The following FRY variants were observed in gnomAD, a reference collection of about 807,000 sequenced individuals.
The protein encoded by FRY is protein furry homolog.
Under a neutral mutation model 348.4 loss-of-function variants are expected in FRY, and 128 were observed. The ratio of observed to expected loss-of-function variants is 0.37; its 90% CI spans 0.32 to 0.43. The LOEUF is 0.43. Ranked by LOEUF, FRY falls within the 20% of genes least tolerant of loss-of-function variation. The pLI is 1.00. For missense variants in FRY, 2,736 were observed against 3,695.2 expected, an observed-to-expected ratio of 0.74 and a Z score of 6.73; for synonymous variants, 1,370 against 1,374.7, an observed-to-expected ratio of 1.00 and a Z score of 0.08.
chr13:32,274,541 A>G lies in FRY; in HGVS notation c.8137-301A>G, dbSNP rs376157967. 3.4e-4 allele frequency among the ~76,000 whole-genome samples: 51 copies of G among 151,768 alleles called. 2 individuals carry two copies. The East Asian group carries it at 3.7e-3, about 11-fold the overall frequency. Reference sequence around the variant, plus strand: ...AACACAGTGAAACCCCGTCTCTACTAAAAATACAAAAAATTAGCCAGGCGT... The same window carrying G: ...AACACAGTGAAACCCCGTCTCTACTGAAAATACAAAAAATTAGCCAGGCGT... On this transcript the variant is annotated intron_variant, in intron 55 of 60. Coordinates refer to ENST00000542859, the MANE Select transcript of FRY (RefSeq NM_023037.3).
At chr13:32,049,512 G>A (rs1310015573) in intron 1 of FRY, among the ~76,000 whole-genome samples, 1 of 152,172 alleles carries the variant, frequency 6.6e-6, no homozygotes, top group African/African-American at 2.4e-5. Context: ...TCAGCTCACT[G>A]CAAGCTCCGC....
chr13:32,250,056 C>G (rs1242725792), intron 49 of FRY, among the ~76,000 whole-genome samples: 2 of 152,216 alleles, frequency 1.3e-5, no homozygotes, highest in Non-Finnish European at 2.9e-5. Flanking sequence ...CACTTGGACT[C>G]CCAAAGGGTT....
chr13:32,178,789 G>A (rs1330946052), intron 21 of FRY, 55 bp from the exon 22 acceptor site: 3 of 1,141,678 alleles, frequency 2.6e-6, no homozygotes, highest in Non-Finnish European at 4.0e-6. Context: ...TTTAATAAGT[G>A]ATATTTAAAA....
At chr13:32,236,523 CA>C (rs1214626936) in intron 43 of FRY, among the ~76,000 whole-genome samples, 1 of 151,976 alleles carries the variant, frequency 6.6e-6, no homozygotes, top group Non-Finnish European at 1.5e-5. Context: ...TAAAGAGAAG[CA>C]AAAGCTAAAT....
At chr13:32,243,511 A>T (rs903820803) in intron 46 of FRY, among the ~76,000 whole-genome samples, 7 of 152,198 alleles carry the variant, frequency 4.6e-5, no homozygotes, top group African/African-American at 1.7e-4. Context: ...CAAACTATCC[A>T]ATTTACATTT....
At chr13:32,257,839 T>G in intron 51 of FRY, 1 of 785,790 alleles carries the variant, frequency 1.3e-6, no homozygotes, top group Admixed American at 2.0e-5. Flanking sequence ...TACTGAAGTG[T>G]ATATTGTTAG....
intron 50 of FRY, among the ~76,000 whole-genome samples, chr13:32,253,340 A>G (rs181708739): frequency 2.7e-4 from 41 of 152,368 alleles, no homozygotes; most frequent in African/African-American, 8.2e-4. Context: ...CTTGAAATCC[A>G]TTCATTCTTT....
intron 31 of FRY, among the ~76,000 whole-genome samples, chr13:32,206,694 G>A (rs181066341): frequency 2.0e-5 from 3 of 152,306 alleles, no homozygotes; most frequent in African/African-American, 4.8e-5. Context: ...GTTGCAAGCA[G>A]GTTCAACCTA....
chr13:32,271,545 C>T (rs950698812), intron 55 of FRY, among the ~76,000 whole-genome samples: 39 of 152,318 alleles, frequency 2.6e-4, no homozygotes, highest in African/African-American at 9.1e-4. Flanking sequence ...TGACTGCCCA[C>T]CACAGAGAGT....
Position 32,124,629 on chromosome 13 carries a change from T to G in FRY, c.583T>G (p.Leu195Val). ...TCCACTTCATCCTGTAATAGACAGTTTAATACATGATGTTATTAACTTGGC... is the reference window on the plus strand; with the variant it reads ...TCCACTTCATCCTGTAATAGACAGTGTAATACATGATGTTATTAACTTGGC... ...QIPLHPVIDSLIHDVINLAFK... is the reference protein window; with the variant it reads ...QIPLHPVIDSVIHDVINLAFK... Residue 195 changes from leucine (L) to valine (V), a missense_variant, in exon 6 of 61, where the codon TTA (leucine) becomes GTA (valine). By Grantham distance (32) the Leu-to-Val change is conservative. Around this residue, in one of 9 missense-constraint regions of FRY, gnomAD observed 309 missense variants for 418.1 expected, o/e 0.74. Coordinates refer to ENST00000542859, the MANE Select transcript of FRY (RefSeq NM_023037.3). 6.3e-7 allele frequency: 1 copy of G among 1,597,786 alleles called. No homozygotes were observed. Among genetic ancestry groups the G allele is most frequent in the South Asian group, 1.1e-5 (1 of 90,734 alleles).
chr13:32,109,334 A>G (rs1347767019), intron 3 of FRY, among the ~76,000 whole-genome samples: 3 of 152,224 alleles, frequency 2.0e-5, no homozygotes, highest in Non-Finnish European at 2.9e-5. Context: ...GGAATTCTCA[A>G]TCCCAGAAGG....
intron 55 of FRY, among the ~76,000 whole-genome samples, chr13:32,268,517 T>A (rs1211597725): frequency 0.01 from 365 of 35,572 alleles, no homozygotes; most frequent in East Asian, 0.022. Context: ...TATATATATA[T>A]ATATATATAT....
In FRY at chr13:32,261,825, C is replaced by T. The variant is rs1284440129; in HGVS notation, c.7617+9C>T. ...TGGAGCACTCAGACCTAGTAAGTAGCGGCTCTCCCACTCTAAGAATTGGGA... is the reference window on the plus strand; with the variant it reads ...TGGAGCACTCAGACCTAGTAAGTAGTGGCTCTCCCACTCTAAGAATTGGGA... On this transcript the variant is annotated intron_variant, in intron 52 of 60. Coordinates refer to ENST00000542859, the MANE Select transcript of FRY (RefSeq NM_023037.3). 3.7e-6 allele frequency: 6 copies of T among 1,612,168 alleles called. No individual in the cohort carries two copies. Among genetic ancestry groups the T allele is most frequent in the Middle Eastern group, 1.6e-4 (1 of 6,084 alleles).
chr13:32,298,978 C>T lies in FRY; in HGVS notation c.*3518C>T, dbSNP rs369876141. 6.6e-6 allele frequency: 1 copy of T among 152,092 alleles called. No individual in the cohort carries two copies. Among genetic ancestry groups the T allele is most frequent in the African/African-American group, 2.4e-5 (1 of 41,410 alleles). The allele number at this position is 152,092 out of a possible 1,614,324, so 9.4% of individuals were successfully genotyped here. A position where few individuals can be genotyped will look rare whatever the true frequency, so the allele number is the denominator to read the frequency against. ...GTTTAAAAGGATTACTCCTTCATAG[C>T]GATGAAGAAAAGCTCTATAACAAAA... On this transcript the variant is annotated 3_prime_UTR_variant, in exon 61 of 61. Transcript: ENST00000542859.
chr13:32,254,900 A>G (rs562545442), intron 51 of FRY, among the ~76,000 whole-genome samples: 1 of 152,324 alleles, frequency 6.6e-6, no homozygotes, highest in South Asian at 2.1e-4. Context: ...TGCAATGCAC[A>G]CAAGAGAGCT....
At position 32,239,810 on chromosome 13, in the gene FRY, A is replaced by G. The variant is rs1193794841; in HGVS notation, c.6616A>G (p.Asn2206Asp). Residue 2206 changes from asparagine (N) to aspartate (D), a missense_variant, in exon 46 of 61, where the codon AAT becomes GAT. Coordinates refer to ENST00000542859, the MANE Select transcript of FRY (RefSeq NM_023037.3). This position sits in a 1 kb window ranked among gnomAD's most constrained non-coding sequence, Gnocchi z 4.3. Reference protein sequence around the residue: ...SYTRDCATWVNVVCRYLHEAY... With the variant: ...SYTRDCATWVDVVCRYLHEAY... ...CACGAGGGACTGTGCCACGTGGGTC[A>G]ATGTGGTCTGTCGATACCTTCATGA... 1 of 1,613,904 alleles carries G rather than the reference A, an allele frequency of 6.2e-7. No individual in the cohort carries two copies. The highest frequency in any genetic ancestry group is 8.5e-7 in the Non-Finnish European group (1 of 1,179,884).
intron 1 of FRY, among the ~76,000 whole-genome samples, chr13:32,043,013 C>T (rs1290617866): frequency 6.6e-6 from 1 of 152,162 alleles, no homozygotes; most frequent in East Asian, 1.9e-4. Flanking sequence ...TAAAGACAAA[C>T]CCTAGACTGG....
chr13:32,130,452 T>TGTG (rs1879284359), intron 7 of FRY, among the ~76,000 whole-genome samples: 4 of 141,988 alleles, frequency 2.8e-5, no homozygotes, highest in South Asian at 2.3e-4. Flanking sequence ...TGGAAAGTGT[T>TGTG]TGTGTGTGTG....
At chr13:32,212,261 A>T (rs749858829) in intron 34 of FRY, 31 bp from the exon 35 acceptor site, 1 of 1,269,678 alleles carries the variant, frequency 7.9e-7, no homozygotes, top group Non-Finnish European at 1.1e-6. Flanking sequence ...GCATCTTTTT[A>T]TAAGTGTTTT....
Sources: allele counts gnomAD v4.1 joint callset (sites outside exome capture counted in the v4.1 genomes callset), GRCh38; gene constraint gnomAD v4.1.1; regional missense constraint gnomAD v4.1.1; non-coding constraint Gnocchi (gnomAD v3.1); transcripts MANE v1.5; gene names NCBI Gene and HGNC (gene_info 2026-07-23, HGNC 2026-07-21).